MARF1: variants seen among roughly 807,000 people sequenced by gnomAD.
MARF1 encodes the protein limkain-b1.
Under a neutral mutation model 168.2 loss-of-function variants are expected in MARF1, and 24 were observed. That is an observed-to-expected ratio of 0.14 (90% CI 0.10 to 0.20). MARF1 has a LOEUF of 0.20. Among genes scored for constraint, MARF1 ranks in the 10% least tolerant of loss-of-function variants. The probability of loss-of-function intolerance (pLI) is 1.00; values close to 1 mark genes in which losing one functional copy is unlikely to be tolerated. For missense variants in MARF1, 1,744 were observed against 2,143.6 expected, an observed-to-expected ratio of 0.81 and a Z score of 3.68; for synonymous variants, 868 against 822.4, an observed-to-expected ratio of 1.06 and a Z score of -0.95.
At chr16:15,607,421 C>T (rs958062155) in intron 21 of MARF1, among the ~76,000 whole-genome samples, 1 of 151,880 alleles carries the variant, frequency 6.6e-6, no homozygotes, top group African/African-American at 2.4e-5. Context: ...TAGTGGCGGG[C>T]GCCTGTAATC....
intron 13 of MARF1, among the ~76,000 whole-genome samples, chr16:15,618,377 C>T (rs1326791029): frequency 1.3e-5 from 2 of 152,188 alleles, no homozygotes; most frequent in African/African-American, 4.8e-5. Flanking sequence ...TTCTCAGTCT[C>T]GTACTCTACC....
chr16:15,609,494 CT>C, intron 20 of MARF1, 28 bp downstream of exon 20: 1 of 1,574,300 alleles, frequency 6.4e-7, no homozygotes, highest in Non-Finnish European at 8.7e-7. Flanking sequence ...CAGAAAAATA[CT>C]TTATAAAATT....
In MARF1 at chr16:15,598,920, G is replaced by A; in HGVS notation, c.4918C>T (p.Pro1640Ser). ...GCAGATTGGAGGATAACGGGGTCTG[G>A]TCTCAGCTGAGGGGACGGCAGGCAC... ...PSCLPSPQLR[P>S]DPVILQSADL... The change falls in exon 26 of 27, where the codon CCA (proline) becomes TCA (serine). Residue 1640 changes from proline (P) to serine (S), a missense_variant. Pro to Ser is a moderately conservative substitution (Grantham distance 74). This residue lies in a region of MARF1 where 313 missense variants were observed against 337.4 expected (regional missense o/e 0.93). Transcript: ENST00000396368. 1 of 1,613,944 alleles carries A rather than the reference G, an allele frequency of 6.2e-7. No individual in the cohort carries two copies. The highest frequency in any genetic ancestry group is 8.5e-7 in the Non-Finnish European group (1 of 1,179,988).
intron 7 of MARF1, 146 bp downstream of exon 7, chr16:15,630,186 A>T: frequency 1.8e-6 from 1 of 558,304 alleles, no homozygotes; most frequent in East Asian, 3.0e-5. Context: ...GAAGAACCGA[A>T]GGTTTCTAAG....
intron 16 of MARF1, among the ~76,000 whole-genome samples, chr16:15,613,176 C>G (rs561132370): frequency 6.6e-6 from 1 of 152,016 alleles, no homozygotes; most frequent in East Asian, 1.9e-4. Flanking sequence ...GGTAGGTGGC[C>G]CAGAAGAGCA....
intron 1 of MARF1, among the ~76,000 whole-genome samples, chr16:15,640,413 A>G (rs2035872149): frequency 1.3e-5 from 2 of 152,234 alleles, no homozygotes; most frequent in African/African-American, 4.8e-5. Context: ...GGTCTTAACA[A>G]TAAATGCAAG....
chr16:15,634,950 A>T lies in MARF1; in HGVS notation c.832-19T>A, dbSNP rs2035486269. The T allele has an allele frequency of 1.2e-6, 2 of 1,609,306 alleles. No homozygotes were observed. Among genetic ancestry groups the T allele is most frequent in the East Asian group, 2.2e-5 (1 of 44,852 alleles). ...TTGCTGGCTGTTTTAAATTTTTTTT[A>T]AAAAGGAGGAGGTGTCAGATACATC... On this transcript the variant is annotated intron_variant, in intron 3 of 26. Transcript: ENST00000396368.
At chr16:15,605,461 T>C (rs986446146) in intron 21 of MARF1, among the ~76,000 whole-genome samples, 1 of 152,006 alleles carries the variant, frequency 6.6e-6, no homozygotes, top group African/African-American at 2.4e-5. Flanking sequence ...CTTATCATGA[T>C]TATGGGACTG....
chr16:15,617,293 G>A lies in MARF1; in HGVS notation c.2957+6C>T. 3 of 1,611,468 alleles carry A rather than the reference G, an allele frequency of 1.9e-6. No homozygotes were observed. Among genetic ancestry groups the A allele is most frequent in the Non-Finnish European group, 1.7e-6 (2 of 1,177,674 alleles). ...AATTACTTCTAAAGGAAAACGAACGGCACACCTGAAATCCTTATTGGAACA... is the reference window on the plus strand; with the variant it reads ...AATTACTTCTAAAGGAAAACGAACGACACACCTGAAATCCTTATTGGAACA... On this transcript the variant is annotated splice_donor_region_variant and intron_variant, in intron 14 of 26. Transcript: ENST00000396368.
At position 15,609,031 on chromosome 16, in the gene MARF1, G is replaced by A. The variant is rs1196013717; in HGVS notation, c.3954+492C>T. Among the ~76,000 whole-genome samples the A allele has an allele frequency of 6.6e-5, 10 of 152,292 alleles. No individual in the cohort carries two copies. In the South Asian group the frequency reaches 8.3e-4, roughly 13 times the overall value. On this transcript the variant is annotated intron_variant, in intron 20 of 26. Transcript: ENST00000396368. ...AGACAGGCGGATCAACTGAGGTCAG[G>A]AGCTCAAGACCAGCCTGGCCAACGT...
intron 7 of MARF1, among the ~76,000 whole-genome samples, chr16:15,628,247 AT>A (rs577083661): frequency 1.3e-5 from 2 of 151,392 alleles, no homozygotes; most frequent in South Asian, 2.1e-4. Flanking sequence ...TATGTGACAC[AT>A]TTTTTTTTAA....
rs1211429747 is a variant in MARF1, at chr16:15,635,924, C to G, written c.563G>C (p.Cys188Ser). Residue 188 changes from cysteine (C) to serine (S), a missense_variant, in exon 3 of 27, where the codon TGC becomes TCC. Coordinates refer to ENST00000396368, the MANE Select transcript of MARF1 (RefSeq NM_014647.4). Reference sequence around the variant, plus strand: ...TTTTCCACAACAGGGCAGGTGTTTGCAGGAAGACAGGTTACTCTCTAGACA... The same window carrying G: ...TTTTCCACAACAGGGCAGGTGTTTGGAGGAAGACAGGTTACTCTCTAGACA... Reference protein sequence around the residue: ...SMCLESNLSSCKHLPCCGKLH... With the variant: ...SMCLESNLSSSKHLPCCGKLH... 1.2e-6 allele frequency: 2 copies of G among 1,614,060 alleles called. No homozygotes were observed. Among genetic ancestry groups the G allele is most frequent in the Admixed American group, 3.3e-5 (2 of 60,026 alleles).
chr16:15,615,619 G>A (rs1342962760), intron 16 of MARF1, among the ~76,000 whole-genome samples: 4 of 152,010 alleles, frequency 2.6e-5, no homozygotes, highest in African/African-American at 7.2e-5. Context: ...GCAAGACTCC[G>A]TCTCAAAAAA....
At chr16:15,631,338 C>T in intron 6 of MARF1, 43 bp downstream of exon 6, 9 of 1,344,228 alleles carry the variant, frequency 6.7e-6, no homozygotes, top group South Asian at 1.2e-5. Context: ...TAATTTCCCA[C>T]ACAGTGAGTT....
At chr16:15,614,216 CTCACGTCTGTAATCCCAGCATTTTG>C (rs1238180275) in intron 16 of MARF1, among the ~76,000 whole-genome samples, 3 of 152,008 alleles carry the variant, frequency 2.0e-5, no homozygotes, top group Non-Finnish European at 4.4e-5. Flanking sequence ...GGTGCGGTGG[CTCACGTCTGTAATCCCAGCATTTTG>C]GGAGGCTGAG....
intron 1 of MARF1, among the ~76,000 whole-genome samples, chr16:15,641,631 G>A (rs749054548): frequency 6.6e-6 from 1 of 152,192 alleles, no homozygotes; most frequent in Admixed American, 6.5e-5. Context: ...AACCCAGACG[G>A]TGGGATCCTC....
chr16:15,614,422 G>A (rs2033869599), intron 16 of MARF1, among the ~76,000 whole-genome samples: 1 of 143,886 alleles, frequency 6.9e-6, no homozygotes, highest in Non-Finnish European at 1.5e-5. Flanking sequence ...GGCGGAGCTT[G>A]CAGTGAGCTG....
chr16:15,614,243 G>A (rs1421355511), intron 16 of MARF1, among the ~76,000 whole-genome samples: 1 of 151,972 alleles, frequency 6.6e-6, no homozygotes, highest in African/African-American at 2.4e-5. Context: ...AGCATTTTGG[G>A]AGGCTGAGGC....
intron 12 of MARF1, chr16:15,621,431 G>C: frequency 5.6e-6 from 2 of 359,080 alleles, no homozygotes; most frequent in Non-Finnish European, 1.0e-5. Flanking sequence ...TAATATTTTA[G>C]ACTTTTCAGG....
Sources: gnomAD v4.1 joint callset for allele counts (sites outside exome capture counted in the v4.1 genomes callset) on GRCh38, gnomAD v4.1.1 for gene constraint, gnomAD v4.1.1 regional missense constraint, MANE v1.5 for transcripts, NCBI Gene and HGNC (gene_info 2026-07-23, HGNC 2026-07-21) for gene names.